The following ANO1 variants were observed in gnomAD, a reference collection of about 807,000 sequenced individuals.
ANO1 encodes the protein anoctamin 1.
In ANO1, 59 loss-of-function variants were observed where a neutral mutation model predicts 124.0. The observed-to-expected ratio is 0.48, with a 90% CI of 0.39 to 0.59. The LOEUF (loss-of-function observed/expected upper bound fraction) is 0.59. Among genes scored for constraint, ANO1 ranks in the 20% least tolerant of loss-of-function variants. The probability of loss-of-function intolerance (pLI) is 0.00; values close to 1 mark genes in which losing one functional copy is unlikely to be tolerated. For missense variants in ANO1, 1,059 were observed against 1,328.0 expected, an observed-to-expected ratio of 0.80 and a Z score of 3.15; for synonymous variants, 529 against 532.0, an observed-to-expected ratio of 0.99 and a Z score of 0.08.
At chr11:69,995,887 T>A (rs1295603895) in intron 1 of ANO1, among the ~76,000 whole-genome samples, 1 of 151,838 alleles carries the variant, frequency 6.6e-6, no homozygotes, top group Non-Finnish European at 1.5e-5. Context: ...TGGAGGCGGG[T>A]GGATCACCTG....
intron 7 of ANO1, among the ~76,000 whole-genome samples, chr11:70,113,577 G>T (rs527536713): frequency 6.6e-6 from 1 of 152,202 alleles, no homozygotes; most frequent in African/African-American, 2.4e-5. Context: ...GCCCTGCCTG[G>T]CACAGCCCAT....
At chr11:69,992,208 G>A (rs570919323) in intron 1 of ANO1, among the ~76,000 whole-genome samples, 22 of 136,552 alleles carry the variant, frequency 1.6e-4, no homozygotes, top group African/African-American at 4.9e-4. Context: ...ATGGATGGAC[G>A]AATGGATAGA....
At chr11:70,004,219 C>G (rs1185511692) in intron 1 of ANO1, among the ~76,000 whole-genome samples, 2 of 152,170 alleles carry the variant, frequency 1.3e-5, no homozygotes, top group African/African-American at 2.4e-5. Flanking sequence ...GGATGTTTTT[C>G]AAGCATCTGG....
At chr11:70,137,394 G>C (rs2046989958) in intron 11 of ANO1, among the ~76,000 whole-genome samples, 1 of 136,558 alleles carries the variant, frequency 7.3e-6, no homozygotes, top group African/African-American at 2.6e-5. Context: ...GCGTCCATCT[G>C]GAACTATCTC....
intron 24 of ANO1, among the ~76,000 whole-genome samples, chr11:70,184,894 G>A (rs906925517): frequency 5.3e-5 from 8 of 152,104 alleles, no homozygotes; most frequent in African/African-American, 1.7e-4. Context: ...ATACAGGCGT[G>A]CACTGCCAGG....
intron 13 of ANO1, 66 bp from the exon 14 acceptor site, chr11:70,152,991 G>T: frequency 7.0e-7 from 1 of 1,431,714 alleles, no homozygotes; most frequent in Non-Finnish European, 9.6e-7. Flanking sequence ...TGCCAAGTAT[G>T]CTCACGCTGA....
At chr11:69,986,098 G>A (rs1311093696) in exon 1 of ANO1, 5 of 152,376 alleles carry the variant, frequency 3.3e-5, no homozygotes, top group Admixed American at 1.3e-4. Flanking sequence ...GAGTCGCGCA[G>A]CGAACGCGCC....
intron 1 of ANO1, among the ~76,000 whole-genome samples, chr11:69,989,159 G>A (rs1554997186): frequency 6.6e-6 from 1 of 152,188 alleles, no homozygotes; most frequent in African/African-American, 2.4e-5. Context: ...CCCCATTTAT[G>A]TTGAGGAAAC....
At chr11:69,981,988 T>C (rs1312497504), upstream of ANO1, among the ~76,000 whole-genome samples, 2 of 151,958 alleles carry the variant, frequency 1.3e-5, no homozygotes, top group Non-Finnish European at 1.5e-5. Flanking sequence ...GATAAATCCA[T>C]AGAGACAGAA....
chr11:70,125,613 A>G (rs2046474826), intron 9 of ANO1, among the ~76,000 whole-genome samples: 1 of 151,740 alleles, frequency 6.6e-6, no homozygotes, highest in Non-Finnish European at 1.5e-5. Flanking sequence ...GGGAGGCCGA[A>G]GGGGGCGGAT....
At chr11:70,099,630 A>G (rs965466627) in intron 2 of ANO1, among the ~76,000 whole-genome samples, 2 of 152,088 alleles carry the variant, frequency 1.3e-5, no homozygotes, top group African/African-American at 4.8e-5. Context: ...CCACCTCTCC[A>G]GCCTCAGTGC....
chr11:70,095,130 C>T (rs922625407), intron 2 of ANO1, among the ~76,000 whole-genome samples: 14 of 151,550 alleles, frequency 9.2e-5, no homozygotes, highest in East Asian at 1.9e-4. Flanking sequence ...TGCTTGAACC[C>T]AGGAGGCGGA....
chr11:70,112,192 A>G (rs2045811599), intron 7 of ANO1, among the ~76,000 whole-genome samples: 1 of 152,166 alleles, frequency 6.6e-6, no homozygotes, highest in Non-Finnish European at 1.5e-5. Flanking sequence ...TATCCCTTTG[A>G]CAAATATAGC....
At chr11:70,124,715 G>A (rs552570809) in intron 9 of ANO1, among the ~76,000 whole-genome samples, 8 of 152,142 alleles carry the variant, frequency 5.3e-5, no homozygotes, top group South Asian at 2.1e-4. Context: ...GATTTGAGAC[G>A]TGGAGGGGAA....
At chr11:69,999,131 C>T (rs1210829931) in intron 1 of ANO1, among the ~76,000 whole-genome samples, 2 of 151,978 alleles carry the variant, frequency 1.3e-5, no homozygotes, top group Non-Finnish European at 2.9e-5. Flanking sequence ...GCTCACGGTT[C>T]TGCAGGCTGT....
At chr11:70,139,895 G>T (rs763536829) in intron 11 of ANO1, among the ~76,000 whole-genome samples, 25 of 152,236 alleles carry the variant, frequency 1.6e-4, no homozygotes, top group Admixed American at 4.6e-4. Flanking sequence ...CGGCTGGCGT[G>T]TGTGCTGAAC....
At chr11:70,144,307 C>T (rs1033770967) in intron 11 of ANO1, among the ~76,000 whole-genome samples, 5 of 152,248 alleles carry the variant, frequency 3.3e-5, no homozygotes, top group Admixed American at 6.5e-5. Flanking sequence ...GGGCCCTGCC[C>T]TGAGCACCGC....
At chr11:70,168,184 G>T (rs2048327104) in intron 21 of ANO1, among the ~76,000 whole-genome samples, 1 of 152,150 alleles carries the variant, frequency 6.6e-6, no homozygotes, top group Admixed American at 6.5e-5. Context: ...TCTCCCTCCT[G>T]CCTCCTGCAC....
At chr11:70,156,092 A>T in intron 15 of ANO1, 104 bp downstream of exon 15, 1 of 1,144,578 alleles carries the variant, frequency 8.7e-7, no homozygotes, top group Non-Finnish European at 1.2e-6. Flanking sequence ...TTTTTTTAAC[A>T]TTCACATCCG....
Sources: allele counts gnomAD v4.1 joint callset (sites outside exome capture counted in the v4.1 genomes callset), GRCh38; gene constraint gnomAD v4.1.1; transcripts MANE v1.5; gene names NCBI Gene and HGNC (gene_info 2026-07-23, HGNC 2026-07-21).